CYP2B6: variants seen among roughly 807,000 people sequenced by gnomAD.
CYP2B6 encodes cytochrome P450 2B6.
Under a neutral mutation model 43.4 loss-of-function variants are expected in CYP2B6, and 35 were observed. That is an observed-to-expected ratio of 0.81 (90% confidence interval 0.62 to 1.07). CYP2B6 has a LOEUF of 1.07. Among genes scored for constraint, CYP2B6 ranks in the 50% least tolerant of loss-of-function variants. The pLI, the probability that CYP2B6 is intolerant of heterozygous loss-of-function variation, is 0.00. For synonymous variants in CYP2B6, 239 were observed against 239.2 expected, an observed-to-expected ratio of 1.00 and a Z score of 0.01; for missense variants, 624 against 632.8, an observed-to-expected ratio of 0.99 and a Z score of 0.15.
intron 3 of CYP2B6, among the ~76,000 whole-genome samples, chr19:41,006,411 C>T (rs1568560740): frequency 6.8e-6 from 1 of 147,796 alleles, no homozygotes; most frequent in Non-Finnish European, 1.5e-5. Flanking sequence ...GAATCAGGCT[C>T]CCGAAGTGCT....
intron 7 of CYP2B6, 34 bp from the exon 8 acceptor site, chr19:41,012,640 G>A (rs879048613): frequency 1.2e-6 from 2 of 1,613,326 alleles, no homozygotes; most frequent in Non-Finnish European, 1.7e-6. Flanking sequence ...TGGAGGGAAT[G>A]GCAATATCTT....
intron 1 of CYP2B6, among the ~76,000 whole-genome samples, chr19:40,992,771 C>T (rs1258522296): frequency 3.9e-5 from 6 of 152,094 alleles, no homozygotes; most frequent in Admixed American, 2.6e-4. Context: ...CCACCTGCCT[C>T]GGCCTCCCAA....
intron 8 of CYP2B6, among the ~76,000 whole-genome samples, chr19:41,015,834 C>A (rs1287553384): frequency 1.3e-5 from 2 of 148,674 alleles, no homozygotes; most frequent in Admixed American, 6.9e-5. Context: ...AGTAACCAAA[C>A]CTTAAGCCTC....
At position 41,012,282 on chromosome 19, in the gene CYP2B6, C is replaced by A; in HGVS notation, c.965-16C>A. On this transcript the variant is annotated splice_polypyrimidine_tract_variant and intron_variant, in intron 6 of 8. Transcript: ENST00000324071. ...CCTCTTTAAAATGAGATTCATTGGT[C>A]TTCTTTTCTGTACAGAGAGAGTCTA... The A allele has an allele frequency of 6.2e-7, 1 of 1,613,500 alleles. No homozygotes were observed. Among genetic ancestry groups the A allele is most frequent in the Non-Finnish European group, 8.5e-7 (1 of 1,179,574 alleles).
At chr19:41,009,898 T>C (rs2144673902) in intron 5 of CYP2B6, 96 bp from the exon 6 acceptor site, 1 of 1,503,588 alleles carries the variant, frequency 6.7e-7, no homozygotes, top group East Asian at 2.3e-5. Flanking sequence ...GTCAAAGACC[T>C]TTAGGCCAAC....
In CYP2B6 at chr19:41,012,313, A is replaced by G. The variant is rs1359237532; in HGVS notation, c.980A>G (p.Glu327Gly). The G allele has an allele frequency of 3.7e-6, 6 of 1,613,964 alleles. No individual in the cohort carries two copies. In the East Asian group the frequency reaches 8.9e-5, roughly 24 times the overall value. ...TTCTGTACAGAGAGAGTCTACAGGG[A>G]GATTGAACAGGTGATTGGCCCACAT... ...YPHVAERVYR[E>G]IEQVIGPHRP... Residue 327 changes from glutamate (E) to glycine (G), a missense_variant, in exon 7 of 9, where the codon GAG becomes GGG. Physicochemically the swap from Glu to Gly is moderately conservative, Grantham distance 98 (BLOSUM62 -2). Coordinates refer to ENST00000324071, the MANE Select transcript of CYP2B6 (RefSeq NM_000767.5).
chr19:40,996,871 G>A (rs1480464872), intron 1 of CYP2B6, among the ~76,000 whole-genome samples: 1 of 152,054 alleles, frequency 6.6e-6, no homozygotes, highest in African/African-American at 2.4e-5. Flanking sequence ...TTATTAAATA[G>A]GTTATCATAG....
chr19:41,007,162 G>T lies in CYP2B6; in HGVS notation c.645+97G>T, dbSNP rs1032913664. The T allele has an allele frequency of 1.9e-5, 24 of 1,245,358 alleles. No homozygotes were observed. The African/African-American group carries it at 3.6e-4, about 19-fold the overall frequency. 77.1% of individuals were successfully genotyped at this position (1,245,358 alleles called of 1,614,324 possible). On this transcript the variant is annotated intron_variant, in intron 4 of 8. Transcript: ENST00000324071. ...CCTGTCTTGGGGGCTCAGAAATGCA[G>T]CTTATCCTTGGAAGAAACGCAGACA...
In CYP2B6 at chr19:41,009,305, C is replaced by T. The variant is rs12721645; in HGVS notation, c.732C>T (p.Tyr244=). The change falls in exon 5 of 9, where the codon TAC becomes TAT. Residue 244 remains tyrosine, a synonymous_variant. Transcript: ENST00000324071. ...VYKNLQEINA[Y]IGHSVEKHRE... ...AAAACCTGCAGGAAATCAATGCTTA[C>T]ATTGGCCACAGTGTGGAGAAGCACC... is the stretch of plus-strand genomic sequence containing the variant. 5.6e-3 allele frequency: 8,958 copies of T among 1,612,790 alleles called. 82 individuals carry two copies. The highest frequency in any genetic ancestry group is 6.7e-3 in the Non-Finnish European group (7,851 of 1,179,264).
At chr19:40,995,313 G>C (rs1173968454) in intron 1 of CYP2B6, among the ~76,000 whole-genome samples, 3 of 152,146 alleles carry the variant, frequency 2.0e-5, no homozygotes, top group Non-Finnish European at 4.4e-5. Flanking sequence ...TAGGAGTCTA[G>C]AAGGGTCCTT....
chr19:41,003,954 G>A (rs1304465319), intron 1 of CYP2B6, 47 bp from the exon 2 acceptor site: 1 of 1,591,210 alleles, frequency 6.3e-7, no homozygotes, highest in East Asian at 2.2e-5. Context: ...TTACAAATGA[G>A]GTGTATGCTG....
chr19:41,012,294 A>G lies in CYP2B6; in HGVS notation c.965-4A>G. On this transcript the variant is annotated splice_region_variant and splice_polypyrimidine_tract_variant and intron_variant, in intron 6 of 8. Transcript: ENST00000324071. ...GAGATTCATTGGTCTTCTTTTCTGTACAGAGAGAGTCTACAGGGAGATTGA... is the reference window on the plus strand; with the variant it reads ...GAGATTCATTGGTCTTCTTTTCTGTGCAGAGAGAGTCTACAGGGAGATTGA... 2 of 1,613,898 alleles carry G rather than the reference A, an allele frequency of 1.2e-6. No homozygotes were observed. The highest frequency in any genetic ancestry group is 1.7e-6 in the Non-Finnish European group (2 of 1,179,868).
At chr19:40,991,504 G>A (rs1968920078) in intron 1 of CYP2B6, 28 bp downstream of exon 1, 1 of 1,611,746 alleles carries the variant, frequency 6.2e-7, no homozygotes, top group Non-Finnish European at 8.5e-7. Flanking sequence ...GGGGTCTGAG[G>A]GTGAGCTGCT....
chr19:41,009,923 G>C (rs1969253597), intron 5 of CYP2B6, 71 bp from the exon 6 acceptor site: 2 of 1,599,036 alleles, frequency 1.3e-6, no homozygotes, highest in Admixed American at 3.3e-5. Flanking sequence ...GGCAGCCAGG[G>C]AGATGGGCGT....
chr19:40,997,722 T>C (rs1382049324), intron 1 of CYP2B6, among the ~76,000 whole-genome samples: 1 of 152,004 alleles, frequency 6.6e-6, no homozygotes, highest in Non-Finnish European at 1.5e-5. Flanking sequence ...TTATGAAACA[T>C]TTAGATTTTT....
chr19:41,014,315 T>G (rs978466469), intron 8 of CYP2B6, among the ~76,000 whole-genome samples: 3 of 152,110 alleles, frequency 2.0e-5, no homozygotes, highest in Non-Finnish European at 2.9e-5. Flanking sequence ...CTTTTTTTTT[T>G]TTTGTCTTCA....
Position 41,012,828 on chromosome 19 carries a change from C to T in CYP2B6, c.1294+13C>T, listed in dbSNP as rs751743352. On this transcript the variant is annotated intron_variant, in intron 8 of 8. Transcript: ENST00000324071. Reference sequence around the variant, plus strand: ...CCCTTCTCCTTAGGTAAGCTGGACCCACAATTTCTTTCCCAGACACCAGAG... The same window carrying T: ...CCCTTCTCCTTAGGTAAGCTGGACCTACAATTTCTTTCCCAGACACCAGAG... 55 of 1,613,898 alleles carry T rather than the reference C, an allele frequency of 3.4e-5. No homozygotes were observed. The highest frequency in any genetic ancestry group is 4.4e-5 in the Non-Finnish European group (52 of 1,180,014).
At chr19:41,013,055 C>T (rs1274139740) in intron 8 of CYP2B6, 15 of 541,972 alleles carry the variant, frequency 2.8e-5, no homozygotes, top group Middle Eastern at 3.5e-4. Context: ...ATCTCTAAAC[C>T]TCAGTGAGTT....
chr19:41,015,405 C>G (rs1969345750), intron 8 of CYP2B6, among the ~76,000 whole-genome samples: 1 of 152,206 alleles, frequency 6.6e-6, no homozygotes, highest in South Asian at 2.1e-4. Flanking sequence ...TTTCCAAACA[C>G]CTCCACATAG....
Sources: gnomAD v4.1 joint callset for allele counts (sites outside exome capture counted in the v4.1 genomes callset) on GRCh38, gnomAD v4.1.1 for gene constraint, MANE v1.5 for transcripts, NCBI Gene and HGNC (gene_info 2026-07-23, HGNC 2026-07-21) for gene names.